The following XYLT1 variants were observed in gnomAD, a reference collection of about 807,000 sequenced individuals.
XYLT1 encodes beta-D-xylosyltransferase 1.
A neutral mutation model predicts 91.3 loss-of-function variants in XYLT1; 36 were observed. That is an observed-to-expected ratio of 0.39 (90% CI 0.30 to 0.52). XYLT1 has a LOEUF of 0.52. Among genes scored for constraint, XYLT1 ranks in the 20% least tolerant of loss-of-function variants. The pLI is 0.68. For synonymous variants in XYLT1, 588 were observed against 532.0 expected, an observed-to-expected ratio of 1.11 and a Z score of -1.45; for missense variants, 1,242 against 1,284.5, an observed-to-expected ratio of 0.97 and a Z score of 0.51.
In XYLT1 at chr16:17,105,763, G is replaced by A. The variant is rs1165182877; in HGVS notation, c.*2932C>T. On this transcript the variant is annotated 3_prime_UTR_variant, in exon 12 of 12. Transcript: ENST00000261381. Reference sequence around the variant, plus strand: ...AGGTTTCCAGAGACCACAGCCCTATGCTTTTGAAATCTTCCACAGCCCAAG... The same window carrying A: ...AGGTTTCCAGAGACCACAGCCCTATACTTTTGAAATCTTCCACAGCCCAAG... 3 of 152,134 alleles carry A rather than the reference G, an allele frequency of 2.0e-5. No individual in the cohort carries two copies. Among genetic ancestry groups the A allele is most frequent in the Non-Finnish European group, 4.4e-5 (3 of 68,032 alleles). 9.4% of individuals were successfully genotyped at this position (152,134 alleles called of 1,614,324 possible). A position where few individuals can be genotyped will look rare whatever the true frequency, so the allele number is the denominator to read the frequency against.
chr16:17,157,091 G>A (rs979573704), intron 6 of XYLT1, among the ~76,000 whole-genome samples: 14 of 152,016 alleles, frequency 9.2e-5, no homozygotes, highest in Non-Finnish European at 2.1e-4. Flanking sequence ...GGGATTATAG[G>A]TGTGCACCAC....
chr16:17,470,644 G>C lies in XYLT1; in HGVS notation c.153C>G (p.Val51=). ...GAGERRGGAA[V]GGGEQPPPAP... The stretch of plus-strand genomic sequence containing the variant: ...CCGGGGGCGGCTGCTCCCCGCCGCC[G>C]ACCGCTGCGCCCCCGCGGCGCTCCC... The change falls in exon 1 of 12, where the codon GTC becomes GTG. Residue 51 remains valine, a synonymous_variant. Coordinates refer to ENST00000261381, the MANE Select transcript of XYLT1 (RefSeq NM_022166.4). The C allele has an allele frequency of 9.0e-7, 1 of 1,112,546 alleles. No homozygotes were observed. Among genetic ancestry groups the C allele is most frequent in the Non-Finnish European group, 1.1e-6 (1 of 903,622 alleles). 68.9% of individuals were successfully genotyped at this position (1,112,546 alleles called of 1,614,324 possible).
At chr16:17,187,862 T>C (rs1272226204) in intron 5 of XYLT1, among the ~76,000 whole-genome samples, 3 of 152,118 alleles carry the variant, frequency 2.0e-5, no homozygotes, top group African/African-American at 7.2e-5. Flanking sequence ...ACCCACATTC[T>C]TCCTCTAATC....
At chr16:17,299,129 G>A (rs568918581) in intron 2 of XYLT1, among the ~76,000 whole-genome samples, 1 of 152,178 alleles carries the variant, frequency 6.6e-6, no homozygotes, top group East Asian at 1.9e-4. Context: ...CACATGACAG[G>A]CATTGGGTAA....
chr16:17,128,210 C>G (rs1040999938), intron 9 of XYLT1, among the ~76,000 whole-genome samples: 2 of 152,190 alleles, frequency 1.3e-5, no homozygotes, highest in Non-Finnish European at 2.9e-5. Context: ...ATGGATTTCC[C>G]TTCGGCCTTA....
At chr16:17,427,549 G>A (rs564751155) in intron 1 of XYLT1, among the ~76,000 whole-genome samples, 146 of 152,248 alleles carry the variant, frequency 9.6e-4, no homozygotes, top group African/African-American at 3.4e-3. Context: ...CTCCCAAAGC[G>A]CTGGGATTAC....
intron 2 of XYLT1, among the ~76,000 whole-genome samples, chr16:17,349,549 C>G (rs959728849): frequency 6.6e-6 from 1 of 151,828 alleles, no homozygotes; most frequent in African/African-American, 2.4e-5. Context: ...TAGTAACTCC[C>G]AGGGTTATTT....
chr16:17,291,583 C>T (rs2034227655), intron 2 of XYLT1, among the ~76,000 whole-genome samples: 2 of 152,092 alleles, frequency 1.3e-5, no homozygotes, highest in Non-Finnish European at 2.9e-5. Flanking sequence ...GCCAGAAATC[C>T]TCTGAGGCCC....
intron 1 of XYLT1, among the ~76,000 whole-genome samples, chr16:17,416,446 GGTTCCTCACACGGGGCCTGAGAT>G (rs1188130342): frequency 1.3e-5 from 2 of 152,302 alleles, no homozygotes; most frequent in African/African-American, 4.8e-5. Flanking sequence ...CATGTGTCCT[GGTTCCTCACACGGGGCCTGAGAT>G]GCGAAAGCAC....
intron 1 of XYLT1, among the ~76,000 whole-genome samples, chr16:17,387,998 G>T (rs548575590): frequency 1.4e-4 from 21 of 152,266 alleles, no homozygotes; most frequent in African/African-American, 4.8e-4. Flanking sequence ...TAATGGGTTA[G>T]ATCCAATAAA....
chr16:17,419,674 C>T (rs2036226237), intron 1 of XYLT1, among the ~76,000 whole-genome samples: 1 of 152,190 alleles, frequency 6.6e-6, no homozygotes, highest in African/African-American at 2.4e-5. Context: ...TGCATTTTCA[C>T]ATGCTGAAAT....
At chr16:17,330,457 C>G (rs527455224) in intron 2 of XYLT1, among the ~76,000 whole-genome samples, 1 of 152,138 alleles carries the variant, frequency 6.6e-6, no homozygotes, top group East Asian at 1.9e-4. Flanking sequence ...ACTCCAGGGT[C>G]CCATAAGGTG....
intron 1 of XYLT1, among the ~76,000 whole-genome samples, chr16:17,397,477 C>T (rs1375335632): frequency 3.9e-5 from 6 of 152,110 alleles, no homozygotes; most frequent in Admixed American, 1.3e-4. Context: ...CAACCCTGGG[C>T]CCACCCTTCC....
intron 6 of XYLT1, among the ~76,000 whole-genome samples, chr16:17,148,281 C>T (rs959170797): frequency 6.6e-6 from 1 of 152,206 alleles, no homozygotes; most frequent in Non-Finnish European, 1.5e-5. Flanking sequence ...CTAAGGATGA[C>T]ATCCCTCCCC....
intron 2 of XYLT1, among the ~76,000 whole-genome samples, chr16:17,344,220 T>C (rs1025987486): frequency 2.0e-5 from 3 of 150,792 alleles, no homozygotes. Flanking sequence ...CCAGGCCGGG[T>C]GCCTGTAATC....
At chr16:17,321,998 C>A (rs755066282) in intron 2 of XYLT1, among the ~76,000 whole-genome samples, 3 of 152,140 alleles carry the variant, frequency 2.0e-5, no homozygotes, top group Non-Finnish European at 4.4e-5. Context: ...AGTTTCAACA[C>A]CAAACACATA....
chr16:17,129,228 C>T (rs2030381511), intron 9 of XYLT1, among the ~76,000 whole-genome samples: 1 of 152,084 alleles, frequency 6.6e-6, no homozygotes, highest in African/African-American at 2.4e-5. Context: ...CTAGGCAGGG[C>T]TATCACATAA....
chr16:17,157,871 C>T (rs866703416), intron 6 of XYLT1, among the ~76,000 whole-genome samples: 5 of 152,186 alleles, frequency 3.3e-5, no homozygotes, highest in African/African-American at 1.2e-4. Flanking sequence ...GTCTCAGCCT[C>T]CTGAGTAGCT....
chr16:17,450,366 A>AAACAAACAAAC (rs1567207553), intron 1 of XYLT1, among the ~76,000 whole-genome samples: 1 of 147,578 alleles, frequency 6.8e-6, no homozygotes, highest in Non-Finnish European at 1.5e-5. Context: ...AACAAACAAA[A>AAACAAACAAAC]AAAAAAAGGT....
Sources: allele counts gnomAD v4.1 joint callset (sites outside exome capture counted in the v4.1 genomes callset), GRCh38; gene constraint gnomAD v4.1.1; transcripts MANE v1.5; gene names NCBI Gene and HGNC (gene_info 2026-07-23, HGNC 2026-07-21).